Variants in SLCO1A2 observed in about 807,000 individuals in gnomAD.
SLCO1A2 encodes OATP-1.
In SLCO1A2, 67 loss-of-function variants were observed where a neutral mutation model predicts 69.0. The observed-to-expected ratio is 0.97, with a 90% CI of 0.80 to 1.19. The LOEUF is 1.19. Ranked by LOEUF, SLCO1A2 falls within the 50% of genes most tolerant of loss-of-function variation. The pLI is 0.00. For synonymous variants in SLCO1A2, 260 were observed against 265.9 expected, an observed-to-expected ratio of 0.98 and a Z score of 0.22; for missense variants, 787 against 793.7, an observed-to-expected ratio of 0.99 and a Z score of 0.10.
chr12:21,348,557 T>C (rs780499178), intron 2 of SLCO1A2, among the ~76,000 whole-genome samples: 2 of 152,194 alleles, frequency 1.3e-5, no homozygotes, highest in Non-Finnish European at 2.9e-5. Context: ...GTTCCATTCA[T>C]GTTGCAAATG....
At chr12:21,273,193 A>ATCTT (rs1436597296) in intron 14 of SLCO1A2, among the ~76,000 whole-genome samples, 1 of 152,088 alleles carries the variant, frequency 6.6e-6, no homozygotes, top group Non-Finnish European at 1.5e-5. Flanking sequence ...GGAAATCCCA[A>ATCTT]TCTTTCTTTT....
At chr12:21,394,366 T>TAC (rs71043268) in intron 1 of SLCO1A2, among the ~76,000 whole-genome samples, 52,082 of 147,366 alleles carry the variant, frequency 0.35, 9,454 homozygotes, top group Middle Eastern at 0.44. Flanking sequence ...ACCACATCTT[T>TAC]ACACACACAC....
At chr12:21,361,762 A>G (rs1345672967) in intron 2 of SLCO1A2, among the ~76,000 whole-genome samples, 2 of 152,200 alleles carry the variant, frequency 1.3e-5, no homozygotes, top group African/African-American at 4.8e-5. Context: ...AAGCTTCAGT[A>G]GCCGATTTGA....
intron 1 of SLCO1A2, among the ~76,000 whole-genome samples, chr12:21,390,170 A>G (rs1422855874): frequency 6.6e-6 from 1 of 152,068 alleles, no homozygotes; most frequent in Non-Finnish European, 1.5e-5. Flanking sequence ...TGTTCACATT[A>G]CCAACTATTT....
chr12:21,319,527 A>G (rs1951330003), intron 2 of SLCO1A2: 2 of 1,271,888 alleles, frequency 1.6e-6, no homozygotes, highest in South Asian at 1.2e-5. Flanking sequence ...CAGCAATCCC[A>G]GTTGTGTCTA....
intron 12 of SLCO1A2, among the ~76,000 whole-genome samples, chr12:21,289,753 TAAA>T (rs35667496): frequency 7.7e-5 from 11 of 143,376 alleles, no homozygotes; most frequent in East Asian, 2.1e-4. Context: ...AAGCCCAGGG[TAAA>T]AAAAAAAAAA....
At chr12:21,350,279 CAA>C (rs913196145) in intron 2 of SLCO1A2, among the ~76,000 whole-genome samples, 4 of 150,154 alleles carry the variant, frequency 2.7e-5, no homozygotes, top group African/African-American at 9.8e-5. Context: ...AAAAAATTGA[CAA>C]GAGATTGTAC....
chr12:21,417,779 G>C (rs913774917), intron 1 of SLCO1A2: 9 of 151,994 alleles, frequency 5.9e-5, no homozygotes, highest in Non-Finnish European at 8.8e-5. Flanking sequence ...TGGGAGAATG[G>C]TCAAAACACT....
chr12:21,334,664 T>A lies in SLCO1A2; in HGVS notation c.-17A>T, dbSNP rs1415213143. 1 of 1,602,158 alleles carries A rather than the reference T, an allele frequency of 6.2e-7. No individual in the cohort carries two copies. Among genetic ancestry groups the A allele is most frequent in the Non-Finnish European group, 8.5e-7 (1 of 1,173,570 alleles). ...TTCTCCCATGTTGCTCTTCAGGGTG[T>A]TCCAAGCTATTTATGTTTTAAATCT... On this transcript the variant is annotated 5_prime_UTR_variant, in exon 2 of 15. Coordinates refer to ENST00000683939, the MANE Select transcript of SLCO1A2 (RefSeq NM_001386879.1).
chr12:21,382,760 A>C (rs1591904306), intron 1 of SLCO1A2, among the ~76,000 whole-genome samples: 1 of 145,692 alleles, frequency 6.9e-6, no homozygotes, highest in Admixed American at 7.2e-5. Flanking sequence ...ATGCCACTAC[A>C]CTCCAGCCTG....
At chr12:21,356,458 G>A (rs1220068540) in intron 2 of SLCO1A2, among the ~76,000 whole-genome samples, 2 of 151,518 alleles carry the variant, frequency 1.3e-5, no homozygotes, top group Admixed American at 6.6e-5. Flanking sequence ...GATAACAATA[G>A]AAGAACGGGC....
intron 1 of SLCO1A2, among the ~76,000 whole-genome samples, chr12:21,417,634 T>G: frequency 6.6e-6 from 1 of 152,088 alleles, no homozygotes; most frequent in East Asian, 1.9e-4. Flanking sequence ...ATGAATAATT[T>G]ATTAAAAGTC....
intron 2 of SLCO1A2, among the ~76,000 whole-genome samples, chr12:21,368,298 C>T (rs1479087572): frequency 2.0e-5 from 3 of 152,088 alleles, no homozygotes; most frequent in South Asian, 2.1e-4. Context: ...AATGATACCA[C>T]ACGTATGCCA....
At chr12:21,306,442 C>T (rs1055769174) in intron 5 of SLCO1A2, among the ~76,000 whole-genome samples, 2 of 152,064 alleles carry the variant, frequency 1.3e-5, no homozygotes, top group East Asian at 1.9e-4. Flanking sequence ...CCTCCAGCCT[C>T]GGCCTCCTGA....
At chr12:21,400,227 G>C (rs1338969009), upstream of SLCO1A2, among the ~76,000 whole-genome samples, 1 of 152,156 alleles carries the variant, frequency 6.6e-6, no homozygotes, top group African/African-American at 2.4e-5. Context: ...GACATGAACA[G>C]ACACTTCTCA....
intron 2 of SLCO1A2, among the ~76,000 whole-genome samples, chr12:21,360,194 A>G (rs1231768043): frequency 6.6e-6 from 1 of 152,196 alleles, no homozygotes; most frequent in Non-Finnish European, 1.5e-5. Flanking sequence ...AGGTTACAAG[A>G]CAACATTTTA....
upstream of SLCO1A2, among the ~76,000 whole-genome samples, chr12:21,419,021 T>C (rs1036805334): frequency 6.6e-6 from 1 of 152,272 alleles, no homozygotes; most frequent in East Asian, 1.9e-4. Flanking sequence ...TTTTCCCTAT[T>C]TCTCCCACTA....
rs1210167901 is a variant in SLCO1A2, at chr12:21,266,322, G to A, written c.*3226C>T. 3.3e-5 allele frequency: 5 copies of A among 152,090 alleles called. No individual in the cohort carries two copies. Among genetic ancestry groups the A allele is most frequent in the African/African-American group, 9.7e-5 (4 of 41,418 alleles). The allele number at this position is 152,090 out of a possible 1,614,324, so 9.4% of individuals were successfully genotyped here. On this transcript the variant is annotated 3_prime_UTR_variant, in exon 15 of 15. Coordinates refer to ENST00000683939, the MANE Select transcript of SLCO1A2 (RefSeq NM_001386879.1). ...TTCAGACTCTACTCCTTGTTGAACT[G>A]ATTTGTTATTCTTAATATATTTATT...
rs1244835826 is a variant in SLCO1A2 at position 21,289,668 on chromosome 12, G to A, written c.1610+2496C>T. ...TAATAAACCAGTAAATGTAAGAAAAGTGTTTCTTCCCTGAGTTCTGTGAAC... is the reference window on the plus strand; with the variant it reads ...TAATAAACCAGTAAATGTAAGAAAAATGTTTCTTCCCTGAGTTCTGTGAAC... On this transcript the variant is annotated intron_variant, in intron 12 of 14. Coordinates refer to ENST00000683939, the MANE Select transcript of SLCO1A2 (RefSeq NM_001386879.1). Among the ~76,000 whole-genome samples the A allele has an allele frequency of 2.6e-5, 4 of 151,896 alleles. No homozygotes were observed. The East Asian group carries it at 7.7e-4, about 29-fold the overall frequency.
Sources: gnomAD v4.1 joint callset for allele counts (sites outside exome capture counted in the v4.1 genomes callset) on GRCh38, gnomAD v4.1.1 for gene constraint, MANE v1.5 for transcripts, NCBI Gene and HGNC (gene_info 2026-07-23, HGNC 2026-07-21) for gene names.